Variants in TACR3 observed in about 807,000 individuals in gnomAD.
The protein encoded by TACR3 is tachykinin receptor 3.
Under a neutral mutation model 35.0 loss-of-function variants are expected in TACR3, and 34 were observed. The observed-to-expected ratio is 0.97, with a 90% CI of 0.74 to 1.30. The LOEUF is 1.30. TACR3 is among the 50% of genes most tolerant of loss of function. TACR3 has a pLI of 0.00. For missense variants in TACR3, 558 were observed against 591.7 expected (o/e 0.94, Z 0.59); for synonymous variants, 233 against 221.1 (o/e 1.05, Z -0.48).
At chr4:103,602,300 A>T (rs1324701022) in intron 3 of TACR3, among the ~76,000 whole-genome samples, 1 of 151,926 alleles carries the variant, frequency 6.6e-6, no homozygotes, top group African/African-American at 2.4e-5. Context: ...ATTTTTTTTC[A>T]AAGCTTTGAA....
At chr4:103,616,122 T>G (rs1724652779) in intron 3 of TACR3, among the ~76,000 whole-genome samples, 1 of 152,188 alleles carries the variant, frequency 6.6e-6, no homozygotes, top group Non-Finnish European at 1.5e-5. Flanking sequence ...AGGAAACTCC[T>G]AGACAGGATA....
intron 1 of TACR3, among the ~76,000 whole-genome samples, chr4:103,709,298 A>T (rs1429407185): frequency 2.0e-5 from 3 of 152,244 alleles, no homozygotes; most frequent in African/African-American, 4.8e-5. Context: ...TCAGACTAAC[A>T]GCGGATCTCT....
chr4:103,617,814 C>G (rs1007430078), intron 3 of TACR3, among the ~76,000 whole-genome samples: 2 of 152,012 alleles, frequency 1.3e-5, no homozygotes, highest in Non-Finnish European at 2.9e-5. Context: ...TGTAAACTTT[C>G]ATATATAATG....
intron 3 of TACR3, among the ~76,000 whole-genome samples, chr4:103,621,954 TA>T (rs1011931318): frequency 1.7e-4 from 26 of 152,082 alleles, no homozygotes; most frequent in African/African-American, 6.3e-4. Context: ...AATGAAAGTA[TA>T]AAAATATAAA....
intron 1 of TACR3, among the ~76,000 whole-genome samples, chr4:103,682,613 T>G (rs1375636784): frequency 1.3e-5 from 2 of 152,000 alleles, no homozygotes; most frequent in Non-Finnish European, 1.5e-5. Context: ...GAGATTTGGG[T>G]GGGGACACAG....
intron 3 of TACR3, among the ~76,000 whole-genome samples, chr4:103,602,829 G>C (rs916216968): frequency 7.9e-5 from 12 of 152,314 alleles, no homozygotes; most frequent in South Asian, 2.1e-4. Flanking sequence ...TAGGCTACTC[G>C]GGGGTCAGGG....
chr4:103,698,870 T>G (rs1008567219), intron 1 of TACR3, among the ~76,000 whole-genome samples: 2 of 152,170 alleles, frequency 1.3e-5, no homozygotes, highest in Admixed American at 6.5e-5. Flanking sequence ...ATTTGATCAT[T>G]GCACATTGTA....
intron 1 of TACR3, among the ~76,000 whole-genome samples, chr4:103,665,170 T>C (rs1429685312): frequency 6.6e-6 from 1 of 151,996 alleles, no homozygotes; most frequent in East Asian, 1.9e-4. Context: ...TTATAAATGT[T>C]GTCTTAATAA....
chr4:103,705,666 AG>A (rs1246282520), intron 1 of TACR3, among the ~76,000 whole-genome samples: 1 of 152,224 alleles, frequency 6.6e-6, no homozygotes, highest in Non-Finnish European at 1.5e-5. Flanking sequence ...TCTCTGTAAA[AG>A]TGACGTTTGA....
intron 1 of TACR3, among the ~76,000 whole-genome samples, chr4:103,687,145 C>G (rs1313954763): frequency 6.6e-6 from 1 of 151,978 alleles, no homozygotes; most frequent in African/African-American, 2.4e-5. Flanking sequence ...AAGACAAAAA[C>G]CACATGATTA....
chr4:103,681,293 T>C (rs1005298535), intron 1 of TACR3, among the ~76,000 whole-genome samples: 3 of 152,050 alleles, frequency 2.0e-5, no homozygotes, highest in Non-Finnish European at 2.9e-5. Flanking sequence ...TGCTAAAAAC[T>C]GTATCTCAAA....
intron 3 of TACR3, among the ~76,000 whole-genome samples, chr4:103,649,377 G>C (rs1301661484): frequency 1.3e-5 from 2 of 152,014 alleles, no homozygotes; most frequent in African/African-American, 4.8e-5. Flanking sequence ...CAATGGCCTG[G>C]ATCATTGACC....
At chr4:103,712,352 T>C (rs111928751) in intron 1 of TACR3, among the ~76,000 whole-genome samples, 17,743 of 152,104 alleles carry the variant, frequency 0.12, 1,355 homozygotes, top group East Asian at 0.37. Flanking sequence ...TTGACAAACC[T>C]GACAAAAACA....
intron 1 of TACR3, among the ~76,000 whole-genome samples, chr4:103,678,940 C>T: frequency 6.6e-6 from 1 of 151,814 alleles, no homozygotes; most frequent in East Asian, 1.9e-4. Context: ...GTAATATAAT[C>T]TGACTTCAAA....
At chr4:103,630,711 G>A (rs1725037535) in intron 3 of TACR3, among the ~76,000 whole-genome samples, 1 of 152,156 alleles carries the variant, frequency 6.6e-6, no homozygotes, top group East Asian at 1.9e-4. Context: ...GGAGAAATGG[G>A]AATGCTTTTA....
chr4:103,675,192 A>G (rs569937256), intron 1 of TACR3, among the ~76,000 whole-genome samples: 2 of 152,142 alleles, frequency 1.3e-5, no homozygotes, highest in Admixed American at 6.5e-5. Context: ...CCTCTTTTCT[A>G]TCAATGCTTG....
intron 3 of TACR3, among the ~76,000 whole-genome samples, chr4:103,634,624 A>G (rs1390490891): frequency 6.6e-6 from 1 of 152,046 alleles, no homozygotes; most frequent in African/African-American, 2.4e-5. Flanking sequence ...GAACTATTTC[A>G]CCTTGCTGGA....
intron 3 of TACR3, among the ~76,000 whole-genome samples, chr4:103,596,307 A>T (rs1164449573): frequency 6.6e-6 from 1 of 151,970 alleles, no homozygotes; most frequent in East Asian, 1.9e-4. Flanking sequence ...CTAGTTCTAC[A>T]TCCCTGAGGA....
chr4:103,673,480 C>T (rs2110204643), intron 1 of TACR3, among the ~76,000 whole-genome samples: 1 of 152,212 alleles, frequency 6.6e-6, no homozygotes, highest in South Asian at 2.1e-4. Flanking sequence ...ATGGAGCAGT[C>T]AGAACATATA....
Sources: gnomAD v4.1 joint callset for allele counts (sites outside exome capture counted in the v4.1 genomes callset) on GRCh38, gnomAD v4.1.1 for gene constraint, MANE v1.5 for transcripts, NCBI Gene and HGNC (gene_info 2026-07-23, HGNC 2026-07-21) for gene names.